The following TSEN15 variants were observed in gnomAD, a reference collection of about 807,000 sequenced individuals.
The protein encoded by TSEN15 is tRNA splicing endonuclease subunit 15, also known as tRNA-splicing endonuclease subunit Sen15.
In TSEN15, 10 loss-of-function variants were observed where a neutral mutation model predicts 20.5. That is an observed-to-expected ratio of 0.49 (90% confidence interval 0.30 to 0.83). The LOEUF (loss-of-function observed/expected upper bound fraction) is 0.83, where lower values mean the gene tolerates loss of function less well. Among genes scored for constraint, TSEN15 ranks in the 40% least tolerant of loss-of-function variants. The pLI is 0.06. For synonymous variants in TSEN15, 72 were observed against 80.1 expected, an observed-to-expected ratio of 0.90 and a Z score of 0.54; for missense variants, 180 against 218.6, an observed-to-expected ratio of 0.82 and a Z score of 1.11.
chr1:184,087,108 G>C (rs1353162055), intron 3 of TSEN15, among the ~76,000 whole-genome samples: 1 of 152,088 alleles, frequency 6.6e-6, no homozygotes, highest in Admixed American at 6.5e-5. Flanking sequence ...GGGTAGAAAG[G>C]TATGATGAGG....
At chr1:184,057,940 A>G (rs1650307012) in intron 3 of TSEN15, among the ~76,000 whole-genome samples, 1 of 152,124 alleles carries the variant, frequency 6.6e-6, no homozygotes, top group Non-Finnish European at 1.5e-5. Context: ...TTCATTCCTC[A>G]GAACTCATTA....
chr1:184,064,104 C>G (rs922137345), intron 3 of TSEN15, among the ~76,000 whole-genome samples: 1 of 151,854 alleles, frequency 6.6e-6, no homozygotes. Context: ...TGCTAACAGT[C>G]TGGAGCTGAG....
At chr1:184,055,438 A>T (rs180799023) in intron 3 of TSEN15, among the ~76,000 whole-genome samples, 1 of 152,352 alleles carries the variant, frequency 6.6e-6, no homozygotes, top group East Asian at 1.9e-4. Flanking sequence ...CAAGCATTCA[A>T]CAAGTATTTA....
rs1650097789 is a variant in TSEN15, at chr1:184,052,646, G to A, written c.135+756G>A. 2.0e-5 allele frequency among the ~76,000 whole-genome samples: 3 copies of A among 152,152 alleles called. No individual in the cohort carries two copies. In the South Asian group the frequency reaches 6.2e-4, roughly 32 times the overall value. ...AATAATTCATAATCATCTAAAAACA[G>A]CCAAGAAAAAATTTGAAGGTATAAG... On this transcript the variant is annotated intron_variant, in intron 1 of 4. Transcript: ENST00000645668.
downstream of TSEN15, among the ~76,000 whole-genome samples, chr1:184,075,029 A>G (rs944213949): frequency 1.3e-5 from 2 of 152,200 alleles, no homozygotes; most frequent in African/African-American, 4.8e-5. Context: ...GTCTTTCATT[A>G]TAATTCTAGA....
intron 3 of TSEN15, among the ~76,000 whole-genome samples, chr1:184,089,609 G>A (rs140771412): frequency 1.4e-4 from 22 of 152,042 alleles, no homozygotes; most frequent in African/African-American, 5.3e-4. Context: ...TAAGTGCCAG[G>A]TTACTTAAAG....
At chr1:184,076,378 T>C (rs1016149622), downstream of TSEN15, among the ~76,000 whole-genome samples, 1 of 152,116 alleles carries the variant, frequency 6.6e-6, no homozygotes, top group Non-Finnish European at 1.5e-5. Flanking sequence ...GCAAACTCAG[T>C]TGATAAATGT....
At chr1:184,089,689 A>T (rs936200128) in intron 3 of TSEN15, among the ~76,000 whole-genome samples, 1 of 152,020 alleles carries the variant, frequency 6.6e-6, no homozygotes. Context: ...CATGCGGAAA[A>T]AACAGTCATT....
rs1205801515 is a variant in TSEN15, at chr1:184,073,992, A to G, written c.*1145A>G. 1.3e-5 allele frequency: 2 copies of G among 152,208 alleles called. No homozygotes were observed. The highest frequency in any genetic ancestry group is 4.8e-5 in the African/African-American group (2 of 41,468). The allele number at this position is 152,208 out of a possible 1,614,324, so 9.4% of individuals were successfully genotyped here. ...AAAAATTAGTAATGAATATTATTAAAAACATGAAAATATTACCTTAAGTAA... is the reference window on the plus strand; with the variant it reads ...AAAAATTAGTAATGAATATTATTAAGAACATGAAAATATTACCTTAAGTAA... On this transcript the variant is annotated 3_prime_UTR_variant, in exon 5 of 5. Transcript: ENST00000645668.
rs895451326 is a variant in TSEN15, at chr1:184,072,635, G to A, written c.496-192G>A. 15 of 614,740 alleles carry A rather than the reference G, an allele frequency of 2.4e-5. No individual in the cohort carries two copies. In the African/African-American group the frequency reaches 2.5e-4, roughly 10 times the overall value. The allele number at this position is 614,740 out of a possible 1,614,324, so 38.1% of individuals were successfully genotyped here. ...TAATAATAGTTGTAAGTAAAAAAAC[G>A]CTTATTTAAGAAATGTTAAATTGGT... On this transcript the variant is annotated intron_variant, in intron 4 of 4. Coordinates refer to ENST00000645668, the MANE Select transcript of TSEN15 (RefSeq NM_052965.4).
At chr1:184,094,254 C>A (rs893018170) in intron 3 of TSEN15, 2 of 152,206 alleles carry the variant, frequency 1.3e-5, no homozygotes, top group Non-Finnish European at 2.9e-5. Flanking sequence ...AGAATACAAG[C>A]AAGGCATTTC....
intron 3 of TSEN15, among the ~76,000 whole-genome samples, chr1:184,087,998 C>G (rs944371903): frequency 3.3e-5 from 5 of 152,136 alleles, no homozygotes; most frequent in African/African-American, 1.2e-4. Context: ...CTGGTGGAAC[C>G]ACCACAAGGC....
intron 3 of TSEN15, among the ~76,000 whole-genome samples, chr1:184,062,381 T>C (rs556151671): frequency 6.6e-6 from 1 of 152,186 alleles, no homozygotes; most frequent in South Asian, 2.1e-4. Flanking sequence ...TAAAATCATA[T>C]TCATAGATAC....
In TSEN15 at chr1:184,054,449, T is replaced by A; in HGVS notation, c.217+14T>A. ...ACCTCATGGAAAGTAAGTTGTTTGT[T>A]TATATTGTTTTGTTATTGGGACTGT... is the stretch of plus-strand genomic sequence containing the variant. On this transcript the variant is annotated intron_variant, in intron 2 of 4. Coordinates refer to ENST00000645668, the MANE Select transcript of TSEN15 (RefSeq NM_052965.4). The A allele has an allele frequency of 6.3e-7, 1 of 1,590,832 alleles. No individual in the cohort carries two copies.
chr1:184,072,724 T>C (rs1650931366), intron 4 of TSEN15, 103 bp from the exon 5 acceptor site: 1 of 922,360 alleles, frequency 1.1e-6, no homozygotes, highest in Non-Finnish European at 1.7e-6. Context: ...TTACATACTT[T>C]GTTGGTATAA....
intron 3 of TSEN15, among the ~76,000 whole-genome samples, chr1:184,081,469 A>G (rs1651166343): frequency 6.6e-6 from 1 of 152,156 alleles, no homozygotes; most frequent in Non-Finnish European, 1.5e-5. Flanking sequence ...ACGTTTCACT[A>G]GCCAAAGGAA....
At chr1:184,053,194 TTC>T (rs1650117239) in intron 1 of TSEN15, among the ~76,000 whole-genome samples, 1 of 152,214 alleles carries the variant, frequency 6.6e-6, no homozygotes, top group Non-Finnish European at 1.5e-5. Flanking sequence ...TTGATTTCTC[TTC>T]TTGAAGGATC....
intron 3 of TSEN15, among the ~76,000 whole-genome samples, chr1:184,093,213 G>A (rs932089234): frequency 1.3e-5 from 2 of 152,206 alleles, no homozygotes; most frequent in Non-Finnish European, 1.5e-5. Flanking sequence ...CTAAGTGGAA[G>A]TCAATCACTG....
At chr1:184,084,847 A>T (rs958276657) in intron 3 of TSEN15, among the ~76,000 whole-genome samples, 1 of 152,110 alleles carries the variant, frequency 6.6e-6, no homozygotes, top group Non-Finnish European at 1.5e-5. Context: ...TTAAATTTCA[A>T]CATGGGTCTG....
Sources: allele counts gnomAD v4.1 joint callset (sites outside exome capture counted in the v4.1 genomes callset), GRCh38; gene constraint gnomAD v4.1.1; transcripts MANE v1.5; gene names NCBI Gene and HGNC (gene_info 2026-07-23, HGNC 2026-07-21).